ZNF888: variants seen among roughly 807,000 people sequenced by gnomAD.
ZNF888 encodes CTD-2331H12.6.
ZNF888 carries 5 observed loss-of-function variants against 7.2 expected under a neutral mutation model. The ratio of observed to expected loss-of-function variants is 0.70; its 90% confidence interval spans 0.36 to 1.46. ZNF888 has a LOEUF of 1.46. Among genes scored for constraint, ZNF888 ranks in the 40% most tolerant of loss-of-function variants. ZNF888 has a pLI of 0.03. For missense variants in ZNF888, 716 were observed against 858.0 expected (o/e 0.83, Z 2.07); for synonymous variants, 240 against 284.3 (o/e 0.84, Z 1.57).
In ZNF888 at chr19:52,918,897, T is replaced by G; in HGVS notation, c.-137A>C. The G allele has an allele frequency of 6.6e-6, 1 of 151,358 alleles. No homozygotes were observed. Among genetic ancestry groups the G allele is most frequent in the Non-Finnish European group, 1.5e-5 (1 of 68,076 alleles). The allele number at this position is 151,358 out of a possible 1,614,324, so 9.4% of individuals were successfully genotyped here. Reference sequence around the variant, plus strand: ...AGACAGAGGTTGCAGTGAGCCAAGATCATGACAGTGCACTCACAGCCTGGA... The same window carrying G: ...AGACAGAGGTTGCAGTGAGCCAAGAGCATGACAGTGCACTCACAGCCTGGA... On this transcript the variant is annotated 5_prime_UTR_variant, in exon 2 of 5. Transcript: ENST00000638862.
At chr19:52,912,644 CGCTTGAACCTGGGA>C (rs2064700247) in intron 4 of ZNF888, among the ~76,000 whole-genome samples, 5 of 150,802 alleles carry the variant, frequency 3.3e-5, no homozygotes, top group Admixed American at 3.3e-4. Context: ...ACAGGAGAAT[CGCTTGAACCTGGGA>C]GGTGGAGGTT....
intron 3 of ZNF888, chr19:52,917,304 C>G: frequency 5.2e-6 from 1 of 192,074 alleles, no homozygotes; most frequent in East Asian, 1.5e-4. Flanking sequence ...CCTCAGTCTC[C>G]TGAGTAGCAG....
intron 4 of ZNF888, chr19:52,913,575 C>T (rs2064711007): frequency 3.2e-6 from 1 of 311,984 alleles, no homozygotes; most frequent in Non-Finnish European, 4.6e-6. Flanking sequence ...GCCCCCGGCT[C>T]AGCCTCCCAA....
chr19:52,907,510 A>G lies in ZNF888; in HGVS notation c.812T>C (p.Met271Thr). 6.2e-7 allele frequency: 1 copy of G among 1,606,912 alleles called. No homozygotes were observed. Among genetic ancestry groups the G allele is most frequent in the Non-Finnish European group, 8.5e-7 (1 of 1,177,192 alleles). ...RRCHTGEKPY[M>T]CNKCGKVFNK... Reference sequence around the variant, plus strand: ...AAAAACCTTGCCACATTTATTACACATGTAAGGTTTCTCACCAGTGTGACA... The same window carrying G: ...AAAAACCTTGCCACATTTATTACACGTGTAAGGTTTCTCACCAGTGTGACA... Residue 271 changes from methionine to threonine, a missense_variant, in exon 5 of 5, where the codon ATG (methionine) becomes ACG (threonine). Coordinates refer to ENST00000638862, the MANE Select transcript of ZNF888 (RefSeq NM_001393938.1).
At chr19:52,910,304 T>C (rs1297328748) in intron 4 of ZNF888, among the ~76,000 whole-genome samples, 1 of 152,092 alleles carries the variant, frequency 6.6e-6, no homozygotes, top group Non-Finnish European at 1.5e-5. Flanking sequence ...ACCCCATCTC[T>C]ACTAAAAATA....
At chr19:52,911,670 A>G (rs2064680713) in intron 4 of ZNF888, among the ~76,000 whole-genome samples, 1 of 152,038 alleles carries the variant, frequency 6.6e-6, no homozygotes, top group Non-Finnish European at 1.5e-5. Flanking sequence ...GGACAGTGAA[A>G]TGACAGAAAC....
At position 52,911,756 on chromosome 19, in the gene ZNF888, T is replaced by C. The variant is rs944343029; in HGVS notation, c.142+3440A>G. Among the ~76,000 whole-genome samples, 3 of 152,240 alleles carry C rather than the reference T, an allele frequency of 2.0e-5. No individual in the cohort carries two copies. The East Asian group carries it at 5.8e-4, about 29-fold the overall frequency. ...TTAAACAAAGGAAGTTAAGAGCCTGTGCTGTAAGACTTGCAATAAATGAAG... is the reference window on the plus strand; with the variant it reads ...TTAAACAAAGGAAGTTAAGAGCCTGCGCTGTAAGACTTGCAATAAATGAAG... On this transcript the variant is annotated intron_variant, in intron 4 of 4. Coordinates refer to ENST00000638862, the MANE Select transcript of ZNF888 (RefSeq NM_001393938.1).
In ZNF888 at chr19:52,908,135, CT is replaced by C; in HGVS notation, c.186del (p.Gly63AlafsTer5). 4.3e-6 allele frequency: 7 copies of C among 1,614,034 alleles called. No individual in the cohort carries two copies. The highest frequency in any genetic ancestry group is 5.9e-6 in the Non-Finnish European group (7 of 1,179,988). ...CCTGTGTGGATCACTTCTGTATTGC[CT>C]TTCCCTATTGATGAGAACTCCATCA... ...KCMMEFSSIG[K>X]GNTEVIHTGT... On this transcript the variant is annotated frameshift_variant, in exon 5 of 5. Transcript: ENST00000638862. LOFTEE classifies it low-confidence loss of function (END_TRUNC).
At chr19:52,921,256 G>A (rs2064819992) in intron 1 of ZNF888, among the ~76,000 whole-genome samples, 1 of 152,350 alleles carries the variant, frequency 6.6e-6, no homozygotes. Flanking sequence ...GAGGAGGCTG[G>A]ACACTGGCAG....
chr19:52,916,839 G>A (rs996777833), intron 3 of ZNF888, among the ~76,000 whole-genome samples: 1 of 151,626 alleles, frequency 6.6e-6, no homozygotes, highest in Non-Finnish European at 1.5e-5. Context: ...TTGAACCCGG[G>A]AGGCAAAGTT....
chr19:52,923,277 A>G, intron 1 of ZNF888, 92 bp downstream of exon 1: 1 of 984,784 alleles, frequency 1.0e-6, no homozygotes, highest in South Asian at 4.7e-5. Context: ...GAAGGGCGAG[A>G]ATTTCCAGGT....
At position 52,923,372 on chromosome 19, in the gene ZNF888, C is replaced by G. The variant is rs1186857341; in HGVS notation, c.-181G>C. On this transcript the variant is annotated 5_prime_UTR_variant, in exon 1 of 5. Transcript: ENST00000638862. ...TACAACACAGAGCAAAACTCACCGC[C>G]GCAGTGTGACTTCCAGTCCACGCGA... 3.0e-6 allele frequency: 3 copies of G among 986,004 alleles called. No individual in the cohort carries two copies. The highest frequency in any genetic ancestry group is 4.6e-5 in the South Asian group (1 of 21,692). 61.1% of individuals were successfully genotyped at this position (986,004 alleles called of 1,614,324 possible).
At chr19:52,908,844 C>CAAAAAA (rs11326533) in intron 4 of ZNF888, among the ~76,000 whole-genome samples, 4 of 81,272 alleles carry the variant, frequency 4.9e-5, no homozygotes, top group African/African-American at 9.3e-5. Context: ...AGACTCGAGT[C>CAAAAAA]AAAAAAAAAA....
At chr19:52,923,260 G>A in intron 1 of ZNF888, 109 bp downstream of exon 1, 1 of 979,396 alleles carries the variant, frequency 1.0e-6, no homozygotes, top group East Asian at 1.1e-4. Flanking sequence ...TGCTCTTGTT[G>A]AAGGAAGAAG....
chr19:52,915,543 C>T (rs547925795), intron 3 of ZNF888, among the ~76,000 whole-genome samples: 89 of 102,490 alleles, frequency 8.7e-4, no homozygotes, highest in African/African-American at 3.2e-3. Flanking sequence ...GGCATGATCT[C>T]GGCTCACTGC....
rs1341130150 is a variant in ZNF888, at chr19:52,907,497, A to G, written c.825T>C (p.Cys275=). 1 of 1,604,000 alleles carries G rather than the reference A, an allele frequency of 6.2e-7. No homozygotes were observed. The highest frequency in any genetic ancestry group is 8.5e-7 in the Non-Finnish European group (1 of 1,175,980). ...ATGCTTTTTTATTAAAAACCTTGCCACATTTATTACACATGTAAGGTTTCT... is the reference window on the plus strand; with the variant it reads ...ATGCTTTTTTATTAAAAACCTTGCCGCATTTATTACACATGTAAGGTTTCT... The part of the protein sequence containing the change: ...TGEKPYMCNK[C]GKVFNKKAYL... Residue 275 remains cysteine (C), a synonymous_variant, in exon 5 of 5, where the codon TGT becomes TGC. Transcript: ENST00000638862.
In ZNF888 at chr19:52,919,448, G is replaced by A. The variant is rs1395202761; in HGVS notation, c.-177-511C>T. ...GTGCCGGGATTGCAGACGGAGTCTC[G>A]TTCACTCAGTGCTCAATGGTGCCCA... On this transcript the variant is annotated intron_variant, in intron 1 of 4. Transcript: ENST00000638862. 2.9e-5 allele frequency among the ~76,000 whole-genome samples: 2 copies of A among 70,010 alleles called. 1 individual carries two copies. The highest frequency in any genetic ancestry group is 6.8e-5 in the Non-Finnish European group (2 of 29,276). The allele number at this position is 70,010 out of a possible 152,430, so 45.9% of individuals were successfully genotyped here.
In ZNF888 at chr19:52,911,477, C is replaced by T. The variant is rs1322899208; in HGVS notation, c.143-3298G>A. 4.0e-5 allele frequency among the ~76,000 whole-genome samples: 6 copies of T among 151,030 alleles called. No individual in the cohort carries two copies. In the East Asian group the frequency reaches 6.0e-4, roughly 15 times the overall value. On this transcript the variant is annotated intron_variant, in intron 4 of 4. Transcript: ENST00000638862. Reference sequence around the variant, plus strand: ...CCTCAGCCTCCTGAGTAGCTGGGACCACAGGCGCCCGCCACTATGCCCAGC... The same window carrying T: ...CCTCAGCCTCCTGAGTAGCTGGGACTACAGGCGCCCGCCACTATGCCCAGC...
intron 4 of ZNF888, among the ~76,000 whole-genome samples, chr19:52,909,394 C>G (rs369716107): frequency 6.6e-6 from 1 of 151,672 alleles, no homozygotes. Context: ...ATTACAGGCA[C>G]ACACCACCAT....
Sources: gnomAD v4.1 joint callset for allele counts (sites outside exome capture counted in the v4.1 genomes callset) on GRCh38, gnomAD v4.1.1 for gene constraint, MANE v1.5 for transcripts, NCBI Gene and HGNC (gene_info 2026-07-23, HGNC 2026-07-21) for gene names.